The following COL21A1 variants were observed in gnomAD, a reference collection of about 807,000 sequenced individuals.
COL21A1 encodes collagen alpha-1(XXI) chain.
Under a neutral mutation model 137.9 loss-of-function variants are expected in COL21A1, and 149 were observed. The ratio of observed to expected loss-of-function variants is 1.08; its 90% confidence interval spans 0.95 to 1.24. The LOEUF (loss-of-function observed/expected upper bound fraction) is 1.24, where lower values mean the gene tolerates loss of function less well. Ranked by LOEUF, COL21A1 falls within the 50% of genes most tolerant of loss-of-function variation. The probability of loss-of-function intolerance (pLI) is 0.00; values close to 1 mark genes in which losing one functional copy is unlikely to be tolerated. For missense variants in COL21A1, 1,167 were observed against 1,158.4 expected (o/e 1.01, Z -0.11); for synonymous variants, 456 against 391.5 (o/e 1.16, Z -1.95).
chr6:56,145,236 G>T (rs1035547214), intron 10 of COL21A1, among the ~76,000 whole-genome samples: 7 of 152,092 alleles, frequency 4.6e-5, no homozygotes, highest in African/African-American at 1.7e-4. Flanking sequence ...TATCTTTGGA[G>T]GAATTACAAT....
chr6:56,066,003 C>A lies in COL21A1; in HGVS notation c.2127+1292G>T, dbSNP rs868385110. 2.0e-5 allele frequency among the ~76,000 whole-genome samples: 3 copies of A among 151,746 alleles called. No homozygotes were observed. The East Asian group carries it at 5.8e-4, about 29-fold the overall frequency. The stretch of plus-strand genomic sequence containing the variant: ...GTCAAGTTCAAGAGATATTTAGCAT[C>A]GATTATCATGACAGGAAATCTGTGA... On this transcript the variant is annotated intron_variant, in intron 23 of 29. Transcript: ENST00000244728.
At chr6:56,300,556 T>C (rs1764256602) in intron 1 of COL21A1, among the ~76,000 whole-genome samples, 1 of 152,148 alleles carries the variant, frequency 6.6e-6, no homozygotes, top group Non-Finnish European at 1.5e-5. Context: ...CATCAAATAA[T>C]GTTTTAATCT....
At chr6:56,079,283 C>T (rs1034012911) in intron 17 of COL21A1, among the ~76,000 whole-genome samples, 1 of 151,702 alleles carries the variant, frequency 6.6e-6, no homozygotes, top group Non-Finnish European at 1.5e-5. Context: ...ATAACCTTGG[C>T]TCCCAGAGTC....
chr6:56,343,084 G>C (rs1330788022), intron 1 of COL21A1, among the ~76,000 whole-genome samples: 3 of 152,056 alleles, frequency 2.0e-5, no homozygotes, highest in Admixed American at 1.3e-4. Context: ...TCTCAAGACA[G>C]TCCCAGGAAA....
In COL21A1 at chr6:56,384,724, C is replaced by A. The variant is rs1169068640; in HGVS notation, c.-39+9247G>T. On this transcript the variant is annotated intron_variant, in intron 1 of 28. Coordinates refer to the COL21A1 transcript ENST00000370819. ...TATTTTTAGGCGGCTGGTAAGAGCA[C>A]CAGCCTGGAGAGAAGACTCAACCCC... Among the ~76,000 whole-genome samples the A allele has an allele frequency of 2.0e-5, 3 of 152,058 alleles. No individual in the cohort carries two copies. The East Asian group carries it at 5.8e-4, about 29-fold the overall frequency.
intron 10 of COL21A1, among the ~76,000 whole-genome samples, chr6:56,148,119 A>G (rs1337120940): frequency 6.6e-6 from 1 of 152,130 alleles, no homozygotes; most frequent in Non-Finnish European, 1.5e-5. Context: ...CTTTCAATAC[A>G]GTTGTCATAT....
intron 1 of COL21A1, among the ~76,000 whole-genome samples, chr6:56,378,504 G>T (rs141913401): frequency 4.6e-5 from 7 of 152,148 alleles, no homozygotes; most frequent in African/African-American, 1.7e-4. Context: ...TTTAAAAGAG[G>T]AAGGAAGAAT....
Position 56,208,488 on chromosome 6 carries a change from A to G in COL21A1, c.-38-25832T>C, listed in dbSNP as rs570075893. Among the ~76,000 whole-genome samples, 20 of 152,322 alleles carry G rather than the reference A, an allele frequency of 1.3e-4. No individual in the cohort carries two copies. In the South Asian group the frequency reaches 3.5e-3, roughly 27 times the overall value. On this transcript the variant is annotated intron_variant, in intron 1 of 29. Transcript: ENST00000244728. ...TACAAGGGATGTGAAGGATTCTTCA[A>G]TGAGAACTACAAACCACTGCTCAAG...
chr6:56,263,988 A>G (rs1763341351), intron 1 of COL21A1, among the ~76,000 whole-genome samples: 1 of 151,896 alleles, frequency 6.6e-6, no homozygotes, highest in South Asian at 2.1e-4. Flanking sequence ...ACACACACAC[A>G]AACACACAAA....
chr6:56,319,668 T>C (rs1402262322), intron 1 of COL21A1, among the ~76,000 whole-genome samples: 1 of 152,188 alleles, frequency 6.6e-6, no homozygotes, highest in Non-Finnish European at 1.5e-5. Flanking sequence ...AATTGATTAG[T>C]TGGCAGACAA....
intron 1 of COL21A1, among the ~76,000 whole-genome samples, chr6:56,203,324 G>A (rs1779529259): frequency 6.6e-6 from 1 of 152,190 alleles, no homozygotes; most frequent in African/African-American, 2.4e-5. Flanking sequence ...AATAATACAG[G>A]ATAGTAAATC....
At chr6:56,168,479 A>C (rs764417486) in intron 5 of COL21A1, among the ~76,000 whole-genome samples, 182 bp from the exon 6 acceptor site, 2 of 152,060 alleles carry the variant, frequency 1.3e-5, no homozygotes, top group Non-Finnish European at 2.9e-5. Flanking sequence ...CAATTCTTTC[A>C]TTAATCTTTA....
chr6:56,301,699 T>C (rs915902968), intron 1 of COL21A1, among the ~76,000 whole-genome samples: 1 of 136,360 alleles, frequency 7.3e-6, no homozygotes, highest in Admixed American at 7.1e-5. Context: ...CTATTTTAAT[T>C]TTAACTTTTT....
At chr6:56,153,927 G>A (rs1775523978) in intron 10 of COL21A1, among the ~76,000 whole-genome samples, 1 of 151,992 alleles carries the variant, frequency 6.6e-6, no homozygotes, top group Non-Finnish European at 1.5e-5. Context: ...CACTCTCATG[G>A]TTTTGCATAC....
At chr6:56,074,981 T>TGA (rs1562154503) in intron 19 of COL21A1, among the ~76,000 whole-genome samples, 1 of 150,410 alleles carries the variant, frequency 6.6e-6, no homozygotes, top group Admixed American at 6.7e-5. Context: ...AGTTAAAATT[T>TGA]GGGGGGGGAT....
intron 1 of COL21A1, among the ~76,000 whole-genome samples, chr6:56,238,707 C>T (rs1334466091): frequency 6.6e-6 from 1 of 152,098 alleles, no homozygotes; most frequent in African/African-American, 2.4e-5. Flanking sequence ...TTCCCTCTCC[C>T]AAGTACTAGG....
chr6:56,135,311 G>A (rs938526372), intron 12 of COL21A1, among the ~76,000 whole-genome samples: 1 of 151,976 alleles, frequency 6.6e-6, no homozygotes, highest in Non-Finnish European at 1.5e-5. Flanking sequence ...TAAAAGATAT[G>A]AGAAAACCGG....
intron 16 of COL21A1, among the ~76,000 whole-genome samples, chr6:56,107,754 T>C (rs1771076660): frequency 6.6e-6 from 1 of 152,144 alleles, no homozygotes; most frequent in Non-Finnish European, 1.5e-5. Flanking sequence ...GAATACTGTA[T>C]TCACAAGCCC....
intron 17 of COL21A1, among the ~76,000 whole-genome samples, chr6:56,088,818 A>C (rs1768513852): frequency 6.6e-6 from 1 of 152,024 alleles, no homozygotes; most frequent in Non-Finnish European, 1.5e-5. Context: ...TGTCTCACTC[A>C]CTCTACCACC....
Sources: allele counts gnomAD v4.1 joint callset (sites outside exome capture counted in the v4.1 genomes callset), GRCh38; gene constraint gnomAD v4.1.1; transcripts MANE v1.5; gene names NCBI Gene and HGNC (gene_info 2026-07-23, HGNC 2026-07-21).